Variants in NSMCE2 observed in about 807,000 individuals in gnomAD.
The protein encoded by NSMCE2 is NSE2 SUMO ligase component of SMC5/6 complex.
In NSMCE2, 24 loss-of-function variants were observed where a neutral mutation model predicts 23.8. The observed-to-expected ratio is 1.01, with a 90% CI of 0.73 to 1.42. The LOEUF (loss-of-function observed/expected upper bound fraction) is 1.42, where lower values mean the gene tolerates loss of function less well. NSMCE2 is among the 40% of genes most tolerant of loss of function. The pLI is 0.00. For synonymous variants in NSMCE2, 92 were observed against 94.1 expected (o/e 0.98, Z 0.13); for missense variants, 284 against 296.5 (o/e 0.96, Z 0.31).
chr8:125,242,823 ACT>A (rs968120673), intron 5 of NSMCE2, among the ~76,000 whole-genome samples: 92 of 152,288 alleles, frequency 6.0e-4, no homozygotes, highest in Admixed American at 3.3e-3. Context: ...CACCTGGTTT[ACT>A]CTCAGCAAAG....
intron 3 of NSMCE2, among the ~76,000 whole-genome samples, chr8:125,130,550 C>A (rs914184191): frequency 2.4e-4 from 37 of 152,044 alleles, no homozygotes; most frequent in African/African-American, 8.7e-4. Context: ...TTTCCAAGGG[C>A]CCTGGTTCTT....
At chr8:125,221,255 T>C (rs1824848583) in intron 5 of NSMCE2, among the ~76,000 whole-genome samples, 1 of 152,212 alleles carries the variant, frequency 6.6e-6, no homozygotes, top group Non-Finnish European at 1.5e-5. Context: ...TAGATGTATC[T>C]CTTTTATTGA....
chr8:125,182,087 T>C lies in NSMCE2; in HGVS notation c.265-16T>C. 2 of 1,549,386 alleles carry C rather than the reference T, an allele frequency of 1.3e-6. No individual in the cohort carries two copies. The highest frequency in any genetic ancestry group is 2.8e-5 in the African/African-American group (2 of 71,770). On this transcript the variant is annotated splice_polypyrimidine_tract_variant and intron_variant, in intron 4 of 7. Coordinates refer to ENST00000287437, the MANE Select transcript of NSMCE2 (RefSeq NM_173685.4). ...TTATTAACATTTAACTCAGGTAATT[T>C]TGTTGTCTCCCTTAGGTGAAAGAAG...
chr8:125,325,986 G>A (rs779947156), intron 5 of NSMCE2, among the ~76,000 whole-genome samples: 2 of 151,582 alleles, frequency 1.3e-5, no homozygotes, highest in Non-Finnish European at 1.5e-5. Context: ...ACCCGGGCGC[G>A]GTGGCTCATG....
chr8:125,163,256 G>A (rs1475980310), intron 4 of NSMCE2, among the ~76,000 whole-genome samples: 1 of 152,136 alleles, frequency 6.6e-6, no homozygotes, highest in African/African-American at 2.4e-5. Context: ...TATACTTTCT[G>A]ATCTGATGGT....
intron 5 of NSMCE2, among the ~76,000 whole-genome samples, chr8:125,300,368 G>T (rs1828512353): frequency 6.6e-6 from 1 of 151,900 alleles, no homozygotes; most frequent in African/African-American, 2.4e-5. Context: ...TCACCATGTT[G>T]CCCAGGCTGG....
intron 4 of NSMCE2, among the ~76,000 whole-genome samples, chr8:125,174,893 G>A (rs2130780737): frequency 6.6e-6 from 1 of 152,278 alleles, no homozygotes; most frequent in Admixed American, 6.5e-5. Context: ...AGATAATTTG[G>A]TCCAATAGAG....
chr8:125,198,887 G>T (rs1823743726), intron 5 of NSMCE2, among the ~76,000 whole-genome samples: 1 of 152,182 alleles, frequency 6.6e-6, no homozygotes, highest in South Asian at 2.1e-4. Flanking sequence ...TCTATTCAGA[G>T]ATTCCACTTC....
intron 3 of NSMCE2, among the ~76,000 whole-genome samples, chr8:125,142,413 C>CTTCT (rs1272284051): frequency 6.6e-6 from 1 of 152,132 alleles, no homozygotes; most frequent in Non-Finnish European, 1.5e-5. Context: ...CATCGTCTCT[C>CTTCT]TTCTGTGTCA....
intron 5 of NSMCE2, among the ~76,000 whole-genome samples, chr8:125,215,813 A>C (rs1824556094): frequency 1.3e-5 from 2 of 152,336 alleles, no homozygotes; most frequent in Middle Eastern, 3.4e-3. Context: ...GTATTTGACT[A>C]TTCTGGGTAC....
At chr8:125,170,415 T>TTA (rs1199459816) in intron 4 of NSMCE2, among the ~76,000 whole-genome samples, 2 of 93,118 alleles carry the variant, frequency 2.1e-5, no homozygotes, top group Non-Finnish European at 4.3e-5. Flanking sequence ...TTTTTTTTTT[T>TTA]AAGACAGAGT....
At chr8:125,160,356 T>C (rs1821541728) in intron 4 of NSMCE2, among the ~76,000 whole-genome samples, 1 of 152,138 alleles carries the variant, frequency 6.6e-6, no homozygotes, top group Admixed American at 6.5e-5. Context: ...GAATTTCAAG[T>C]TAAAGTTTGG....
chr8:125,095,882 C>CAAAA (rs1174381155), intron 1 of NSMCE2, among the ~76,000 whole-genome samples: 20 of 65,636 alleles, frequency 3.0e-4, no homozygotes, highest in South Asian at 6.7e-4. Flanking sequence ...AACTCCATCT[C>CAAAA]AAAAAAAAAA....
chr8:125,151,107 G>T, intron 3 of NSMCE2, 64 bp from the exon 4 acceptor site: 1 of 800,068 alleles, frequency 1.2e-6, no homozygotes, highest in Non-Finnish European at 2.1e-6. Context: ...TTGTATTGAT[G>T]CAACTTTTTC....
chr8:125,196,628 T>A (rs554458567), intron 5 of NSMCE2, among the ~76,000 whole-genome samples: 14 of 152,326 alleles, frequency 9.2e-5, no homozygotes, highest in Admixed American at 4.6e-4. Context: ...TGGTTCCAAG[T>A]CTTTGCTATT....
chr8:125,319,375 G>C (rs957494660), intron 5 of NSMCE2, among the ~76,000 whole-genome samples: 1 of 152,108 alleles, frequency 6.6e-6, no homozygotes, highest in Admixed American at 6.5e-5. Context: ...ATAAGGGAGG[G>C]AAAATCAACC....
intron 5 of NSMCE2, among the ~76,000 whole-genome samples, chr8:125,267,778 A>G (rs1165281625): frequency 6.6e-6 from 1 of 152,202 alleles, no homozygotes; most frequent in East Asian, 1.9e-4. Context: ...TCTGTCTCAA[A>G]AAATAGTAAT....
At chr8:125,195,472 T>TA (rs1160493462) in intron 5 of NSMCE2, among the ~76,000 whole-genome samples, 18 of 152,184 alleles carry the variant, frequency 1.2e-4, no homozygotes, top group Admixed American at 3.9e-4. Flanking sequence ...AGCACATACA[T>TA]ATAAGTCACT....
At chr8:125,288,400 A>G (rs761651987) in intron 5 of NSMCE2, among the ~76,000 whole-genome samples, 1 of 152,186 alleles carries the variant, frequency 6.6e-6, no homozygotes, top group Admixed American at 6.5e-5. Flanking sequence ...AAACCTAGTC[A>G]TAATTAGACT....
Sources: allele counts gnomAD v4.1 joint callset (sites outside exome capture counted in the v4.1 genomes callset), GRCh38; gene constraint gnomAD v4.1.1; transcripts MANE v1.5; gene names NCBI Gene and HGNC (gene_info 2026-07-23, HGNC 2026-07-21).